SYT1: variants seen among roughly 807,000 people sequenced by gnomAD.
The protein encoded by SYT1 is synaptotagmin 1.
SYT1 carries 8 observed loss-of-function variants against 44.8 expected under a neutral mutation model. The observed-to-expected ratio is 0.18, with a 90% CI of 0.10 to 0.32. The LOEUF is 0.32. SYT1 is among the 10% of genes least tolerant of loss of function. SYT1 has a pLI of 1.00. For synonymous variants in SYT1, 154 were observed against 188.8 expected (o/e 0.82, Z 1.51); for missense variants, 286 against 509.3 (o/e 0.56, Z 4.22).
intron 2 of SYT1, among the ~76,000 whole-genome samples, chr12:79,011,556 T>C (rs1055414236): frequency 2.6e-5 from 4 of 151,786 alleles, no homozygotes; most frequent in Admixed American, 6.6e-5. Flanking sequence ...GGAATCTATA[T>C]GCTTTCTGAA....
intron 9 of SYT1, among the ~76,000 whole-genome samples, chr12:79,371,052 T>C (rs941931475): frequency 6.6e-5 from 10 of 151,338 alleles, no homozygotes; most frequent in African/African-American, 2.2e-4. Flanking sequence ...ATTATAGTTA[T>C]AATCTAGTCA....
chr12:78,938,504 A>G (rs1878184147), intron 1 of SYT1, among the ~76,000 whole-genome samples: 1 of 152,158 alleles, frequency 6.6e-6, no homozygotes, highest in African/African-American at 2.4e-5. Flanking sequence ...GCTTCTATGG[A>G]CATATCATCT....
At chr12:79,339,440 A>T (rs533299129) in intron 8 of SYT1, among the ~76,000 whole-genome samples, 5 of 152,220 alleles carry the variant, frequency 3.3e-5, no homozygotes, top group Admixed American at 2.0e-4. Flanking sequence ...GCATTTTTTC[A>T]TGTGTCTGTT....
chr12:78,876,746 A>ATG (rs1874114657), intron 1 of SYT1, among the ~76,000 whole-genome samples: 1 of 80,944 alleles, frequency 1.2e-5, no homozygotes, highest in Non-Finnish European at 2.4e-5. Flanking sequence ...TATATATTAT[A>ATG]TATTGTATAT....
intron 8 of SYT1, among the ~76,000 whole-genome samples, chr12:79,318,924 G>T (rs1881225519): frequency 6.6e-6 from 1 of 152,126 alleles, no homozygotes; most frequent in Non-Finnish European, 1.5e-5. Context: ...TTTTTGGATA[G>T]CCTCTCAAGT....
intron 3 of SYT1, among the ~76,000 whole-genome samples, chr12:79,093,880 A>C (rs1448081178): frequency 2.0e-5 from 3 of 151,678 alleles, no homozygotes; most frequent in African/African-American, 7.2e-5. Flanking sequence ...TTCCAGTGAA[A>C]ATCTAGGAAG....
At chr12:78,986,660 A>G (rs917935858) in intron 2 of SYT1, among the ~76,000 whole-genome samples, 11 of 152,002 alleles carry the variant, frequency 7.2e-5, no homozygotes, top group Admixed American at 2.0e-4. Flanking sequence ...AAGGCTTTTC[A>G]TTCATGTCCT....
intron 9 of SYT1, chr12:79,393,525 T>C (rs1030222788): frequency 1.3e-5 from 2 of 152,242 alleles, no homozygotes; most frequent in African/African-American, 2.4e-5. Context: ...TATCTCATTG[T>C]GGTTTTGATT....
chr12:79,439,915 C>CT (rs926017853), intron 9 of SYT1, among the ~76,000 whole-genome samples: 6 of 10,384 alleles, frequency 5.8e-4, no homozygotes, highest in African/African-American at 2.0e-3. Context: ...GGCTTGAATT[C>CT]TTTAAAAAAA....
chr12:79,108,881 T>C (rs1447540411), intron 3 of SYT1, among the ~76,000 whole-genome samples: 1 of 152,198 alleles, frequency 6.6e-6, no homozygotes, highest in Non-Finnish European at 1.5e-5. Flanking sequence ...AAATACACAA[T>C]GTCTTCTCAT....
chr12:79,135,260 C>T (rs1171536617), intron 3 of SYT1, among the ~76,000 whole-genome samples: 5 of 149,266 alleles, frequency 3.3e-5, no homozygotes, highest in South Asian at 2.2e-4. Flanking sequence ...CCCCTCCCCC[C>T]ATCCCACAAC....
In SYT1 at chr12:79,019,419, G is replaced by T. The variant is rs191363663; in HGVS notation, c.-83-27878G>T. On this transcript the variant is annotated intron_variant, in intron 2 of 10. Coordinates refer to ENST00000261205, the MANE Select transcript of SYT1 (RefSeq NM_005639.3). ...GGGTTATACTGCAAAACCTATAGAT[G>T]ATATAACTACATAAACCAATCTACA... 1.4e-3 allele frequency among the ~76,000 whole-genome samples: 203 copies of T among 149,682 alleles called. 2 individuals are homozygous for T. Among genetic ancestry groups the T allele is most frequent in the African/African-American group, 4.8e-3 (194 of 40,664 alleles).
chr12:79,221,945 C>A (rs1326384450), intron 4 of SYT1, among the ~76,000 whole-genome samples: 1 of 151,792 alleles, frequency 6.6e-6, no homozygotes, highest in Non-Finnish European at 1.5e-5. Context: ...TTTTTTTTAA[C>A]TTGAAGAACT....
chr12:78,923,200 G>A (rs962959948), intron 1 of SYT1, among the ~76,000 whole-genome samples: 4 of 151,930 alleles, frequency 2.6e-5, no homozygotes, highest in African/African-American at 7.2e-5. Context: ...TGCCTTTTGA[G>A]CACTTGGTAT....
chr12:79,259,298 G>GTTTTTAGGT (rs1877701031), intron 4 of SYT1, among the ~76,000 whole-genome samples: 1 of 152,060 alleles, frequency 6.6e-6, no homozygotes, highest in Non-Finnish European at 1.5e-5. Flanking sequence ...ACAAGTGAAA[G>GTTTTTAGGT]TACAATCATT....
chr12:78,995,633 AT>A (rs2137506095), intron 2 of SYT1: 1 of 152,350 alleles, frequency 6.6e-6, no homozygotes, highest in Non-Finnish European at 1.5e-5. Context: ...TGTAATCAGT[AT>A]TAGAATGATG....
intron 3 of SYT1, among the ~76,000 whole-genome samples, chr12:79,150,872 A>T (rs999168237): frequency 6.6e-6 from 1 of 152,220 alleles, no homozygotes; most frequent in Admixed American, 6.5e-5. Flanking sequence ...AACAGCCAGG[A>T]GTCATTAGCA....
At chr12:79,044,429 GGCTTCT>G (rs1409074422) in intron 2 of SYT1, among the ~76,000 whole-genome samples, 11 of 151,210 alleles carry the variant, frequency 7.3e-5, no homozygotes, top group African/African-American at 2.7e-4. Context: ...TGGCTCCTGA[GGCTTCT>G]GCATTCTTCA....
At chr12:79,027,949 GT>G (rs1662742806) in intron 2 of SYT1, among the ~76,000 whole-genome samples, 1 of 151,232 alleles carries the variant, frequency 6.6e-6, no homozygotes, top group Non-Finnish European at 1.5e-5. Context: ...CCCACCTTGT[GT>G]GCATTTGAAC....
Sources: allele counts gnomAD v4.1 joint callset (sites outside exome capture counted in the v4.1 genomes callset), GRCh38; gene constraint gnomAD v4.1.1; transcripts MANE v1.5; gene names NCBI Gene and HGNC (gene_info 2026-07-23, HGNC 2026-07-21).